Variants in RIPK4 observed in about 807,000 individuals in gnomAD.
RIPK4 encodes the protein receptor interacting serine/threonine kinase 4.
RIPK4 carries 17 observed loss-of-function variants against 42.9 expected under a neutral mutation model. That is an observed-to-expected ratio of 0.40 (90% CI 0.27 to 0.59). The LOEUF (loss-of-function observed/expected upper bound fraction) is 0.59. RIPK4 is among the 20% of genes least tolerant of loss of function. The pLI, the probability that RIPK4 is intolerant of heterozygous loss-of-function variation, is 0.47. For synonymous variants in RIPK4, 498 were observed against 499.1 expected (o/e 1.00, Z 0.03); for missense variants, 897 against 1,104.4 (o/e 0.81, Z 2.66).
At chr21:41,758,352 A>G (rs528867091) in intron 1 of RIPK4, among the ~76,000 whole-genome samples, 2 of 152,300 alleles carry the variant, frequency 1.3e-5, no homozygotes, top group East Asian at 1.9e-4. Context: ...TATTTCATTA[A>G]GCATGTTTTC....
intron 2 of RIPK4, among the ~76,000 whole-genome samples, chr21:41,754,324 G>C (rs148468812): frequency 6.6e-6 from 1 of 152,180 alleles, no homozygotes; most frequent in Middle Eastern, 3.2e-3. Context: ...AGTATGTCAC[G>C]TAAAGGTATT....
chr21:41,760,348 C>T (rs2061217018), intron 1 of RIPK4, among the ~76,000 whole-genome samples: 1 of 152,126 alleles, frequency 6.6e-6, no homozygotes, highest in African/African-American at 2.4e-5. Context: ...TTACGTGTAC[C>T]CTCTAAGGAA....
rs529524001 is a variant in RIPK4 at position 41,755,092 on chromosome 21, G to T, written c.474+1433C>A. Among the ~76,000 whole-genome samples the T allele has an allele frequency of 6.6e-6, 1 of 152,158 alleles. No homozygotes were observed. Among genetic ancestry groups the T allele is most frequent in the South Asian group, 2.1e-4 (1 of 4,812 alleles). Reference sequence around the variant, plus strand: ...CAGAGCCTGTGCTACCTAGAAACAAGCCCGTAAATGTTGGCGGGAATGGGG... The same window carrying T: ...CAGAGCCTGTGCTACCTAGAAACAATCCCGTAAATGTTGGCGGGAATGGGG... On this transcript the variant is annotated intron_variant, in intron 2 of 7. Transcript: ENST00000332512. The surrounding 1 kb of genome is among the most constrained non-coding windows in gnomAD (Gnocchi z 4.2).
rs1029502547 is a variant in RIPK4 at position 41,744,343 on chromosome 21, T to C, written c.937-203A>G. ...ACAGCACTAGGGAGCTCAGACGCCA[T>C]GTCCACACAGCGCCGCGGAGCTCAG... On this transcript the variant is annotated intron_variant, in intron 6 of 7. Coordinates refer to ENST00000332512, the MANE Select transcript of RIPK4 (RefSeq NM_020639.3). Among the ~76,000 whole-genome samples, 10 of 151,756 alleles carry C rather than the reference T, an allele frequency of 6.6e-5. No individual in the cohort carries two copies. In the South Asian group the frequency reaches 1.3e-3, roughly 19 times the overall value.
intron 6 of RIPK4, 45 bp downstream of exon 6, chr21:41,745,714 T>C: frequency 6.8e-7 from 1 of 1,468,658 alleles, no homozygotes; most frequent in Non-Finnish European, 9.5e-7. Context: ...AACTCCTGCC[T>C]GGAAGCCGAG....
In RIPK4 at chr21:41,741,186, G is replaced by A. The variant is rs141170819; in HGVS notation, c.2007C>T (p.Asp669=). The change falls in exon 8 of 8, where the codon GAC becomes GAT. Residue 669 remains aspartate (D), a synonymous_variant. Coordinates refer to ENST00000332512, the MANE Select transcript of RIPK4 (RefSeq NM_020639.3). The part of the protein sequence containing the change: ...RGAGKEAMTS[D]GYTALHLAAR... ...CAGCCAGGTGCAGAGCGGTGTAGCC[G>A]TCTGAGGTCATGGCCTCCTTGCCAG... 2.4e-4 allele frequency: 382 copies of A among 1,611,670 alleles called. No homozygotes were observed. The highest frequency in any genetic ancestry group is 3.0e-4 in the Non-Finnish European group (354 of 1,179,266).
chr21:41,740,973 G>A lies in RIPK4; in HGVS notation c.2220C>T (p.His740=). Residue 740 remains histidine, a synonymous_variant, in exon 8 of 8, where the codon CAC becomes CAT. Transcript: ENST00000332512. ...LFDEQGLSAL[H]LAAQGRHAQT... ...GTGCGTGCCGGCCCTGGGCGGCCAG[G>A]TGCAGCGCGCTGAGCCCCTGCTCGT... 6.2e-7 allele frequency: 1 copy of A among 1,611,890 alleles called. No homozygotes were observed. Among genetic ancestry groups the A allele is most frequent in the South Asian group, 1.1e-5 (1 of 91,068 alleles).
rs746991099 is a variant in RIPK4 at position 41,746,689 on chromosome 21, C to T, written c.756G>A (p.Pro252=). Residue 252 remains proline, a synonymous_variant, in exon 5 of 8, where the codon CCG becomes CCA. Coordinates refer to ENST00000332512, the MANE Select transcript of RIPK4 (RefSeq NM_020639.3). ...PELPPVCRAR[P]RACSHLIRLM... ...GGCGTATCAGGTGGCTGCAGGCGCG[C>T]GGCCGGGCTCTGCACACGGGCGGCA... The T allele has an allele frequency of 9.9e-6, 16 of 1,610,776 alleles. No individual in the cohort carries two copies. The highest frequency in any genetic ancestry group is 6.6e-5 in the South Asian group (6 of 91,032).
chr21:41,761,907 C>T (rs1383085912), intron 1 of RIPK4, among the ~76,000 whole-genome samples: 1 of 152,194 alleles, frequency 6.6e-6, no homozygotes, highest in African/African-American at 2.4e-5. Flanking sequence ...CAGTGCACAC[C>T]CCTCCCCAGC....
intron 1 of RIPK4, 145 bp from the exon 2 acceptor site, chr21:41,756,961 T>TTCAATGCCCA: frequency 1.2e-6 from 1 of 811,316 alleles, no homozygotes; most frequent in Non-Finnish European, 1.9e-6. Context: ...CAATGTCACA[T>TTCAATGCCCA]CACGAATGCA....
chr21:41,764,291 C>T (rs1008374111), intron 1 of RIPK4, among the ~76,000 whole-genome samples: 1 of 152,182 alleles, frequency 6.6e-6, no homozygotes, highest in Non-Finnish European at 1.5e-5. Context: ...CTGCAGGGAG[C>T]CAGGAGACCC....
rs1224262395 is a variant in RIPK4, at chr21:41,750,961, A to C, written c.623+136T>G. Reference sequence around the variant, plus strand: ...CCGCAGTGCTGGGATTACAGGCGTGAGTCACCGCGCCTGGCCCGAGCCCCA... The same window carrying C: ...CCGCAGTGCTGGGATTACAGGCGTGCGTCACCGCGCCTGGCCCGAGCCCCA... On this transcript the variant is annotated intron_variant, in intron 3 of 7. Coordinates refer to ENST00000332512, the MANE Select transcript of RIPK4 (RefSeq NM_020639.3). 7 of 1,083,128 alleles carry C rather than the reference A, an allele frequency of 6.5e-6. No homozygotes were observed. The East Asian group carries it at 1.8e-4, about 28-fold the overall frequency. 67.1% of individuals were successfully genotyped at this position (1,083,128 alleles called of 1,614,324 possible).
rs376927443 is a variant in RIPK4 at position 41,742,548 on chromosome 21, C to G, written c.1196-551G>C. On this transcript the variant is annotated intron_variant, in intron 7 of 7. Transcript: ENST00000332512. This position sits in a 1 kb window ranked among gnomAD's most constrained non-coding sequence, Gnocchi z 5.1. ...ATAATCCTGAAGGGACCGAGCTTCTCGTTTCAGGAGGACGTTAGTCCAGCA... is the reference window on the plus strand; with the variant it reads ...ATAATCCTGAAGGGACCGAGCTTCTGGTTTCAGGAGGACGTTAGTCCAGCA... Among the ~76,000 whole-genome samples the G allele has an allele frequency of 6.6e-5, 10 of 152,284 alleles. No homozygotes were observed. Among genetic ancestry groups the G allele is most frequent in the African/African-American group, 2.2e-4 (9 of 41,552 alleles).
chr21:41,764,901 G>C (rs1373665556), intron 1 of RIPK4, among the ~76,000 whole-genome samples: 1 of 152,248 alleles, frequency 6.6e-6, no homozygotes, highest in Non-Finnish European at 1.5e-5. Context: ...GCTAGGCGAT[G>C]CTGACCTCGA....
chr21:41,750,957 C>T lies in RIPK4; in HGVS notation c.623+140G>A, dbSNP rs535397079. 523 of 1,040,820 alleles carry T rather than the reference C, an allele frequency of 5.0e-4. 2 individuals carry two copies. In the African/African-American group the frequency reaches 7.3e-3, roughly 14 times the overall value. 64.5% of individuals were successfully genotyped at this position (1,040,820 alleles called of 1,614,324 possible). On this transcript the variant is annotated intron_variant, in intron 3 of 7. Transcript: ENST00000332512. ...CCTCCCGCAGTGCTGGGATTACAGG[C>T]GTGAGTCACCGCGCCTGGCCCGAGC...
chr21:41,762,012 A>C (rs1028097411), intron 1 of RIPK4, among the ~76,000 whole-genome samples: 1 of 152,080 alleles, frequency 6.6e-6, no homozygotes, highest in Non-Finnish European at 1.5e-5. Context: ...AACAACAAAC[A>C]AACAAAAAAG....
At position 41,740,766 on chromosome 21, in the gene RIPK4, G is replaced by C; in HGVS notation, c.*72C>G. ...CCACAACAGGGCCCCACGCAGGATCGTTCCATCCCCACGAGGAACACAGGA... is the reference window on the plus strand; with the variant it reads ...CCACAACAGGGCCCCACGCAGGATCCTTCCATCCCCACGAGGAACACAGGA... On this transcript the variant is annotated 3_prime_UTR_variant, in exon 8 of 8. Coordinates refer to ENST00000332512, the MANE Select transcript of RIPK4 (RefSeq NM_020639.3). 1 of 1,454,606 alleles carries C rather than the reference G, an allele frequency of 6.9e-7. No homozygotes were observed. Among genetic ancestry groups the C allele is most frequent in the South Asian group, 1.3e-5 (1 of 74,614 alleles). The allele number at this position is 1,454,606 out of a possible 1,614,324, so 90.1% of individuals were successfully genotyped here. A position where few individuals can be genotyped will look rare whatever the true frequency, so the allele number is the denominator to read the frequency against.
chr21:41,740,939 C>T lies in RIPK4; in HGVS notation c.2254G>A (p.Glu752Lys). The T allele has an allele frequency of 6.2e-7, 1 of 1,612,672 alleles. No homozygotes were observed. The highest frequency in any genetic ancestry group is 8.5e-7 in the Non-Finnish European group (1 of 1,179,892). ...TGGGCCCCATGCCTGAGCAGAGTCT[C>T]CACCGTCTGTGCGTGCCGGCCCTGG... ...AAQGRHAQTV[E>K]TLLRHGAHIN... The change falls in exon 8 of 8, where the codon GAG becomes AAG. Residue 752 changes from glutamate to lysine, a missense_variant. Physicochemically the swap from Glu to Lys is moderately conservative, Grantham distance 56. Transcript: ENST00000332512.
intron 6 of RIPK4, among the ~76,000 whole-genome samples, chr21:41,745,058 T>TC (rs1394424755): frequency 1.3e-5 from 2 of 152,070 alleles, no homozygotes; most frequent in Non-Finnish European, 2.9e-5. Context: ...TTGCCTTCTT[T>TC]CCCTTATCAG....
Sources: gnomAD v4.1 joint callset for allele counts (sites outside exome capture counted in the v4.1 genomes callset) on GRCh38, gnomAD v4.1.1 for gene constraint, Gnocchi (gnomAD v3.1) non-coding constraint, MANE v1.5 for transcripts, NCBI Gene and HGNC (gene_info 2026-07-23, HGNC 2026-07-21) for gene names.